Variants in CCN4 observed in about 807,000 individuals in gnomAD.
CCN4 encodes cellular communication network factor 4.
In CCN4, 30 loss-of-function variants were observed where a neutral mutation model predicts 36.7. That is an observed-to-expected ratio of 0.82 (90% CI 0.61 to 1.11). The LOEUF is 1.11. Among genes scored for constraint, CCN4 ranks in the 50% least tolerant of loss-of-function variants. CCN4 has a pLI of 0.00. For missense variants in CCN4, 505 were observed against 504.9 expected (o/e 1.00, Z 0.00); for synonymous variants, 191 against 195.4 (o/e 0.98, Z 0.19).
chr8:133,191,642 CTCCAAGACTCCAAGCA>C (rs1853115933), intron 1 of CCN4, among the ~76,000 whole-genome samples: 2 of 152,162 alleles, frequency 1.3e-5, no homozygotes, highest in East Asian at 3.9e-4. Flanking sequence ...AGTTTGAAAA[CTCCAAGACTCCAAGCA>C]TTGGAGATGC....
chr8:133,206,831 C>T lies in CCN4; in HGVS notation c.70-6033C>T, dbSNP rs554634023. Among the ~76,000 whole-genome samples the T allele has an allele frequency of 1.1e-4, 17 of 152,340 alleles. No individual in the cohort carries two copies. In the South Asian group the frequency reaches 3.5e-3, roughly 32 times the overall value. On this transcript the variant is annotated intron_variant, in intron 1 of 4. Transcript: ENST00000250160. ...CTAAGATGTGACCTCGCCACCCCTA[C>T]ACTCCAAGCCACTGCCAGGGGGTTC...
rs1165341058 is a variant in CCN4 at position 133,220,369 on chromosome 8, T to C, written c.350-212T>C. 2.0e-5 allele frequency among the ~76,000 whole-genome samples: 3 copies of C among 152,198 alleles called. No individual in the cohort carries two copies. In the East Asian group the frequency reaches 5.8e-4, roughly 29 times the overall value. ...CTGGCTGAAGCTATAAAGGAACTCC[T>C]GCACTCCCTTTGCTGAAGTTCCACC... On this transcript the variant is annotated intron_variant, in intron 2 of 4. Transcript: ENST00000250160.
Position 133,220,755 on chromosome 8 carries a change from T to C in CCN4, c.524T>C (p.Ile175Thr). ...TGCCCCCACCCGCGGCGCGTGAGCA[T>C]ACCTGGCCACTGCTGTGAGCAGTGG... ...LWCPHPRRVS[I>T]PGHCCEQWVC... Residue 175 changes from isoleucine to threonine, a missense_variant, in exon 3 of 5, where the codon ATA becomes ACA. Physicochemically the swap from Ile to Thr is moderately conservative, Grantham distance 89. Transcript: ENST00000250160. The C allele has an allele frequency of 4.3e-6, 7 of 1,613,406 alleles. No homozygotes were observed. The highest frequency in any genetic ancestry group is 5.9e-6 in the Non-Finnish European group (7 of 1,179,968).
At chr8:133,212,275 G>T (rs1393899989) in intron 1 of CCN4, among the ~76,000 whole-genome samples, 1 of 152,130 alleles carries the variant, frequency 6.6e-6, no homozygotes, top group East Asian at 1.9e-4. Flanking sequence ...TAGCTGCCAG[G>T]AGCTATAAAG....
At chr8:133,214,019 T>TAGTTATA (rs1854198973) in intron 2 of CCN4, among the ~76,000 whole-genome samples, 12 of 660 alleles carry the variant, frequency 0.018, no homozygotes, top group Non-Finnish European at 0.069. Context: ...TATATAGTAG[T>TAGTTATA]TATACATACT....
At chr8:133,213,907 CTA>C (rs1282289861) in intron 2 of CCN4, among the ~76,000 whole-genome samples, 8 of 57,980 alleles carry the variant, frequency 1.4e-4, no homozygotes, top group Admixed American at 3.4e-4. Context: ...ATACTATACA[CTA>C]TATATAGTAG....
chr8:133,208,727 C>T (rs1476614162), intron 1 of CCN4, among the ~76,000 whole-genome samples: 1 of 152,096 alleles, frequency 6.6e-6, no homozygotes, highest in Non-Finnish European at 1.5e-5. Flanking sequence ...CTTCAAAACC[C>T]GTTCCCAGTG....
chr8:133,205,729 T>C (rs552996763), intron 1 of CCN4, among the ~76,000 whole-genome samples: 4 of 152,320 alleles, frequency 2.6e-5, no homozygotes, highest in African/African-American at 9.6e-5. Flanking sequence ...GCAAGCATCC[T>C]GGGGTTTGAG....
chr8:133,211,893 G>C (rs541333425), intron 1 of CCN4, among the ~76,000 whole-genome samples: 1 of 152,298 alleles, frequency 6.6e-6, no homozygotes, highest in East Asian at 1.9e-4. Flanking sequence ...GGGCACAGAT[G>C]GGATTCAGGG....
At chr8:133,192,896 G>C (rs967909082) in intron 1 of CCN4, among the ~76,000 whole-genome samples, 2 of 152,230 alleles carry the variant, frequency 1.3e-5, no homozygotes, top group Non-Finnish European at 2.9e-5. Flanking sequence ...GGAGCAGAGC[G>C]TGTGGAGGGA....
rs994252709 is a variant in CCN4, at chr8:133,230,915, G to A, written c.*3205G>A. 5.3e-5 allele frequency: 8 copies of A among 152,074 alleles called. No individual in the cohort carries two copies. The highest frequency in any genetic ancestry group is 1.9e-4 in the East Asian group (1 of 5,188). The allele number at this position is 152,074 out of a possible 1,614,324, so 9.4% of individuals were successfully genotyped here. A position where few individuals can be genotyped will look rare whatever the true frequency, so the allele number is the denominator to read the frequency against. ...ATCTGAGTCTCACAGAAGTTTAGTC[G>A]TGTACTCAAGGTCTTACCAGCTAGT... On this transcript the variant is annotated 3_prime_UTR_variant, in exon 5 of 5. Transcript: ENST00000250160.
At chr8:133,222,224 A>G (rs1854562888) in intron 3 of CCN4, among the ~76,000 whole-genome samples, 1 of 152,164 alleles carries the variant, frequency 6.6e-6, no homozygotes, top group African/African-American at 2.4e-5. Flanking sequence ...GAGGCAGTGA[A>G]GAAGGAACAG....
At position 133,228,963 on chromosome 8, in the gene CCN4, G is replaced by A. The variant is rs374010309; in HGVS notation, c.*1253G>A. The A allele has an allele frequency of 1.2e-4, 18 of 152,308 alleles. No homozygotes were observed. Among genetic ancestry groups the A allele is most frequent in the African/African-American group, 4.3e-4 (18 of 41,560 alleles). The allele number at this position is 152,308 out of a possible 1,614,324, so 9.4% of individuals were successfully genotyped here. On this transcript the variant is annotated 3_prime_UTR_variant, in exon 5 of 5. Transcript: ENST00000250160. ...AAGAGGTTGAAGCTAAAAGGAAAAG[G>A]TTGTTGTTAATGAATATCAGGCTAT...
Position 133,227,524 on chromosome 8 carries a change from CAA to C in CCN4, c.919_920del (p.Asn307Ter). On this transcript the variant is annotated frameshift_variant, in exon 5 of 5. Coordinates refer to ENST00000250160, the MANE Select transcript of CCN4 (RefSeq NM_003882.4). LOFTEE classifies it high-confidence loss of function. The part of the protein sequence containing the change: ...QPKYCGVCMD[N>X]RCCIPYKSKT... ...CCAAGTACTGTGGAGTTTGCATGGA[CAA>C]TAGGTGCTGCATCCCCTACAAGTCT... is the stretch of plus-strand genomic sequence containing the variant. 1 of 1,614,190 alleles carries C rather than the reference CAA, an allele frequency of 6.2e-7. No homozygotes were observed. Among genetic ancestry groups the C allele is most frequent in the Non-Finnish European group, 8.5e-7 (1 of 1,180,020 alleles).
intron 2 of CCN4, 27 bp downstream of exon 2, chr8:133,213,170 C>A: frequency 2.5e-6 from 4 of 1,577,854 alleles, no homozygotes; most frequent in Non-Finnish European, 2.6e-6. Flanking sequence ...TACCTTCTGA[C>A]CAGCCCCTGA....
Position 133,212,335 on chromosome 8 carries a change from G to A in CCN4, c.70-529G>A, listed in dbSNP as rs181430755. ...CCAGCCCTTTCCGGATGCTCAGAGGGGAAAAAAATAATAATAGGTCAGCGG... is the reference window on the plus strand; with the variant it reads ...CCAGCCCTTTCCGGATGCTCAGAGGAGAAAAAAATAATAATAGGTCAGCGG... On this transcript the variant is annotated intron_variant, in intron 1 of 4. Coordinates refer to ENST00000250160, the MANE Select transcript of CCN4 (RefSeq NM_003882.4). 1.9e-4 allele frequency among the ~76,000 whole-genome samples: 29 copies of A among 152,100 alleles called. No individual in the cohort carries two copies. The East Asian group carries it at 5.2e-3, about 27-fold the overall frequency.
At chr8:133,208,930 A>G (rs1853882081) in intron 1 of CCN4, among the ~76,000 whole-genome samples, 1 of 152,266 alleles carries the variant, frequency 6.6e-6, no homozygotes, top group East Asian at 1.9e-4. Context: ...AAATGAGTGG[A>G]TGCCATTGTT....
Position 133,220,829 on chromosome 8 carries a change from A to G in CCN4, c.598A>G (p.Thr200Ala). The G allele has an allele frequency of 6.3e-7, 1 of 1,599,488 alleles. No homozygotes were observed. The highest frequency in any genetic ancestry group is 8.5e-7 in the Non-Finnish European group (1 of 1,169,980). Residue 200 changes from threonine to alanine, a missense_variant, in exon 3 of 5, where the codon ACA becomes GCA. Thr to Ala is a moderately conservative substitution (Grantham distance 58). Transcript: ENST00000250160. ...KRPRKTAPRD[T>A]GAFDAVGEVE... ...GCCACGCAAGACCGCACCCCGTGAC[A>G]CAGGAGCCTTCGGTGGGTGTGGGCC...
intron 4 of CCN4, among the ~76,000 whole-genome samples, chr8:133,225,888 C>A (rs1854716256): frequency 6.6e-6 from 1 of 152,130 alleles, no homozygotes; most frequent in Admixed American, 6.5e-5. Flanking sequence ...CAATTTCCAT[C>A]CTCCCTTCAC....
Sources: gnomAD v4.1 joint callset for allele counts (sites outside exome capture counted in the v4.1 genomes callset) on GRCh38, gnomAD v4.1.1 for gene constraint, MANE v1.5 for transcripts, NCBI Gene and HGNC (gene_info 2026-07-23, HGNC 2026-07-21) for gene names.